The following LSAMP variants were observed in gnomAD, a reference collection of about 807,000 sequenced individuals.
The protein encoded by LSAMP is limbic system associated membrane protein, also known as limbic system-associated membrane protein.
In LSAMP, 7 loss-of-function variants were observed where a neutral mutation model predicts 38.6. The ratio of observed to expected loss-of-function variants is 0.18; its 90% CI spans 0.10 to 0.34. LSAMP has a LOEUF of 0.34. LSAMP is among the 10% of genes least tolerant of loss of function. The pLI, the probability that LSAMP is intolerant of heterozygous loss-of-function variation, is 1.00. For synonymous variants in LSAMP, 154 were observed against 166.8 expected (o/e 0.92, Z 0.59); for missense variants, 313 against 420.0 (o/e 0.75, Z 2.23).
chr3:116,001,538 G>C (rs1433771074), intron 3 of LSAMP, among the ~76,000 whole-genome samples: 1 of 152,154 alleles, frequency 6.6e-6, no homozygotes, highest in Admixed American at 6.5e-5. Context: ...TAGAGTCCTG[G>C]AGGTGAGAAG....
chr3:115,975,636 T>C (rs929280049), intron 3 of LSAMP, among the ~76,000 whole-genome samples: 3 of 152,202 alleles, frequency 2.0e-5, no homozygotes, highest in Non-Finnish European at 1.5e-5. Context: ...ACTCCTGTAC[T>C]TCTGTGCTCT....
intron 1 of LSAMP, among the ~76,000 whole-genome samples, chr3:116,112,183 T>C (rs1274549062): frequency 2.6e-5 from 4 of 152,230 alleles, no homozygotes; most frequent in Admixed American, 6.5e-5. Flanking sequence ...CTAAAAATGC[T>C]TTTTGTGTGG....
chr3:116,056,800 C>T (rs1178930950), intron 2 of LSAMP, among the ~76,000 whole-genome samples: 2 of 152,126 alleles, frequency 1.3e-5, no homozygotes, highest in African/African-American at 2.4e-5. Flanking sequence ...AACAAATCCT[C>T]ATCAAGACAG....
chr3:116,131,091 C>T (rs952463792), intron 1 of LSAMP, among the ~76,000 whole-genome samples: 6 of 150,810 alleles, frequency 4.0e-5, no homozygotes, highest in African/African-American at 4.9e-5. Flanking sequence ...CCCAGGTTCA[C>T]GCCATTCTCC....
intron 3 of LSAMP, among the ~76,000 whole-genome samples, chr3:115,869,042 CA>C (rs1935942912): frequency 6.6e-6 from 1 of 152,100 alleles, no homozygotes; most frequent in South Asian, 2.1e-4. Flanking sequence ...TGTTTTCTAG[CA>C]CACAGTTTGA....
At chr3:115,985,486 C>T (rs926667959) in intron 3 of LSAMP, among the ~76,000 whole-genome samples, 1 of 152,170 alleles carries the variant, frequency 6.6e-6, no homozygotes, top group Non-Finnish European at 1.5e-5. Flanking sequence ...CTGTGGAAAA[C>T]AGCCTCAAAG....
chr3:115,981,758 C>A (rs560369052), intron 3 of LSAMP, among the ~76,000 whole-genome samples: 2,646 of 152,288 alleles, frequency 0.017, 102 homozygotes, highest in Admixed American at 0.087. Context: ...ACAACAACAA[C>A]AAAAAACAAC....
chr3:116,040,575 C>A (rs1419778057), intron 2 of LSAMP, among the ~76,000 whole-genome samples: 2 of 152,174 alleles, frequency 1.3e-5, no homozygotes, highest in Non-Finnish European at 2.9e-5. Context: ...TATTAACTGC[C>A]CTAGCAATTC....
intron 1 of LSAMP, among the ~76,000 whole-genome samples, chr3:116,298,081 CTT>C (rs996283615): frequency 2.6e-5 from 4 of 152,170 alleles, no homozygotes; most frequent in African/African-American, 9.7e-5. Context: ...TTCTGTTTCT[CTT>C]TATCATTCAT....
chr3:116,098,620 C>T (rs1708276760), intron 1 of LSAMP, among the ~76,000 whole-genome samples: 1 of 152,160 alleles, frequency 6.6e-6, no homozygotes, highest in African/African-American at 2.4e-5. Flanking sequence ...CTTTCCCCCA[C>T]CTCACCTCCT....
chr3:116,226,516 T>A (rs2046343862), intron 1 of LSAMP, among the ~76,000 whole-genome samples: 1 of 152,222 alleles, frequency 6.6e-6, no homozygotes. Context: ...GCTTACAGAC[T>A]TAACTGTTGA....
chr3:116,355,426 C>T (rs187752498), intron 1 of LSAMP, among the ~76,000 whole-genome samples: 4 of 152,064 alleles, frequency 2.6e-5, no homozygotes, highest in Non-Finnish European at 4.4e-5. Context: ...TCACCATATA[C>T]AAAAATCAAA....
intron 1 of LSAMP, among the ~76,000 whole-genome samples, chr3:116,316,785 A>AG (rs1332569745): frequency 1.3e-5 from 2 of 151,458 alleles, no homozygotes; most frequent in East Asian, 3.9e-4. Context: ...AAAGAAAAAA[A>AG]AAAAAAAAAA....
intron 6 of LSAMP, chr3:115,837,727 C>T (rs138361466): frequency 6.6e-6 from 1 of 152,340 alleles, no homozygotes; most frequent in African/African-American, 2.4e-5. Context: ...TTTATGCCCA[C>T]ATACACAGAT....
At position 116,440,839 on chromosome 3, in the gene LSAMP, T is replaced by C. The variant is rs371296113; in HGVS notation, c.155+4038A>G. ...AGAAAATTTCATGATGGTCACAAAC[T>C]TACCCAGTAGGCCCATGCCCACAGT... On this transcript the variant is annotated intron_variant, in intron 1 of 6. Coordinates refer to ENST00000490035, the MANE Select transcript of LSAMP (RefSeq NM_002338.5). Among the ~76,000 whole-genome samples the C allele has an allele frequency of 2.8e-4, 42 of 152,266 alleles. No individual in the cohort carries two copies. The East Asian group carries it at 7.5e-3, about 27-fold the overall frequency.
intron 1 of LSAMP, among the ~76,000 whole-genome samples, chr3:116,100,709 T>C (rs1708326995): frequency 6.6e-6 from 1 of 152,192 alleles, no homozygotes; most frequent in African/African-American, 2.4e-5. Flanking sequence ...CTTATTTAAA[T>C]GTTCGTGGTC....
chr3:116,313,626 G>A (rs1250577815), intron 1 of LSAMP, among the ~76,000 whole-genome samples: 25 of 152,188 alleles, frequency 1.6e-4, no homozygotes, highest in Non-Finnish European at 2.9e-5. Flanking sequence ...AGCAAAGAAG[G>A]GCAGGAGAGA....
chr3:116,288,806 C>T (rs1316592070), intron 1 of LSAMP, among the ~76,000 whole-genome samples: 1 of 152,170 alleles, frequency 6.6e-6, no homozygotes, highest in Non-Finnish European at 1.5e-5. Context: ...GGACCTCAAA[C>T]AATAGCTGTA....
At chr3:116,085,196 C>A (rs980852642) in intron 2 of LSAMP, among the ~76,000 whole-genome samples, 3 of 152,238 alleles carry the variant, frequency 2.0e-5, no homozygotes, top group South Asian at 2.1e-4. Context: ...AGTAGACATG[C>A]CTTTACAAGC....
Sources: allele counts gnomAD v4.1 joint callset (sites outside exome capture counted in the v4.1 genomes callset), GRCh38; gene constraint gnomAD v4.1.1; transcripts MANE v1.5; gene names NCBI Gene and HGNC (gene_info 2026-07-23, HGNC 2026-07-21).